ITPK1: variants seen among roughly 807,000 people sequenced by gnomAD.
ITPK1 encodes inositol 1,3,4-trisphosphate 5/6-kinase.
A neutral mutation model predicts 45.3 loss-of-function variants in ITPK1; 21 were observed. That is an observed-to-expected ratio of 0.46 (90% CI 0.33 to 0.67). The LOEUF (loss-of-function observed/expected upper bound fraction) is 0.67, where lower values mean the gene tolerates loss of function less well. ITPK1 is among the 30% of genes least tolerant of loss of function. ITPK1 has a pLI of 0.02. For missense variants in ITPK1, 474 were observed against 573.5 expected (o/e 0.83, Z 1.77); for synonymous variants, 258 against 253.6 (o/e 1.02, Z -0.16).
In ITPK1 at chr14:93,094,002, A is replaced by G. The variant is rs1438976225; in HGVS notation, c.96-17383T>C. ...GCTCCAGGTGGACTAAACTTCTCTC[A>G]GCTCCTGGGGCGCTCCAGCCAGGCC... is the stretch of plus-strand genomic sequence containing the variant. On this transcript the variant is annotated intron_variant, in intron 2 of 10. Coordinates refer to ENST00000267615, the MANE Select transcript of ITPK1 (RefSeq NM_014216.6). Among the ~76,000 whole-genome samples the G allele has an allele frequency of 2.0e-5, 3 of 152,364 alleles. No homozygotes were observed. The East Asian group carries it at 5.8e-4, about 29-fold the overall frequency.
intron 5 of ITPK1, among the ~76,000 whole-genome samples, chr14:92,971,387 C>T (rs1234028270): frequency 6.6e-6 from 1 of 152,252 alleles, no homozygotes; most frequent in East Asian, 1.9e-4. Context: ...TACTACCCCT[C>T]CCCCACTCAT....
At chr14:93,039,506 C>T (rs915288423) in intron 3 of ITPK1, among the ~76,000 whole-genome samples, 3 of 152,208 alleles carry the variant, frequency 2.0e-5, no homozygotes, top group African/African-American at 7.2e-5. Flanking sequence ...CAGAAACCTC[C>T]TCTTCCACCC....
intron 2 of ITPK1, among the ~76,000 whole-genome samples, chr14:93,098,347 C>A (rs1176615802): frequency 6.6e-6 from 1 of 151,968 alleles, no homozygotes; most frequent in Admixed American, 6.6e-5. Flanking sequence ...GTCCCAGCTA[C>A]TCGGAAGGTT....
At chr14:92,982,738 T>A (rs993109538) in intron 5 of ITPK1, among the ~76,000 whole-genome samples, 9 of 152,102 alleles carry the variant, frequency 5.9e-5, no homozygotes, top group African/African-American at 2.2e-4. Flanking sequence ...AATTAACACA[T>A]CCAGCTACTA....
chr14:93,111,204 A>G (rs1892740200), intron 2 of ITPK1, among the ~76,000 whole-genome samples: 1 of 152,008 alleles, frequency 6.6e-6, no homozygotes, highest in Admixed American at 6.6e-5. Context: ...TTCCGCCCCC[A>G]CCTCCTGCAA....
At chr14:92,985,731 T>C (rs1270922507) in intron 5 of ITPK1, among the ~76,000 whole-genome samples, 1 of 152,020 alleles carries the variant, frequency 6.6e-6, no homozygotes, top group Non-Finnish European at 1.5e-5. Flanking sequence ...CGCCAGGGGC[T>C]GCTGCCTTTA....
At position 92,962,707 on chromosome 14, in the gene ITPK1, G is replaced by A. The variant is rs371382615; in HGVS notation, c.463+44C>T. ...CAGCCCCTCCCCTATGCTGGCCTGC[G>A]GTCTACAGCGCCTGCCCTCAGGTGG... On this transcript the variant is annotated intron_variant, in intron 6 of 10. Coordinates refer to ENST00000267615, the MANE Select transcript of ITPK1 (RefSeq NM_014216.6). 1.6e-5 allele frequency: 23 copies of A among 1,419,052 alleles called. No homozygotes were observed. In the African/African-American group the frequency reaches 1.7e-4, roughly 10 times the overall value. The allele number at this position is 1,419,052 out of a possible 1,614,324, so 87.9% of individuals were successfully genotyped here. A position where few individuals can be genotyped will look rare whatever the true frequency, so the allele number is the denominator to read the frequency against.
intron 3 of ITPK1, among the ~76,000 whole-genome samples, chr14:93,026,700 TAAATA>T (rs1270553484): frequency 2.6e-5 from 4 of 152,238 alleles, no homozygotes; most frequent in African/African-American, 7.2e-5. Flanking sequence ...AATTAGTAAC[TAAATA>T]AAAGTCCAAC....
rs1303195812 is a variant in ITPK1, at chr14:92,940,441, A to G, written c.*1120T>C. The G allele has an allele frequency of 3.6e-6, 4 of 1,119,002 alleles. No homozygotes were observed. The highest frequency in any genetic ancestry group is 3.3e-6 in the Non-Finnish European group (3 of 906,554). 69.3% of individuals were successfully genotyped at this position (1,119,002 alleles called of 1,614,324 possible). On this transcript the variant is annotated 3_prime_UTR_variant, in exon 11 of 11. Transcript: ENST00000267615. ...ATGGGGTGAGTCTGAGGTGTGCAGAAGCGATGGGGGGCGGGTGGCTCCCTG... is the reference window on the plus strand; with the variant it reads ...ATGGGGTGAGTCTGAGGTGTGCAGAGGCGATGGGGGGCGGGTGGCTCCCTG...
chr14:93,050,734 A>AG (rs1314498759), intron 3 of ITPK1, among the ~76,000 whole-genome samples: 3 of 151,994 alleles, frequency 2.0e-5, no homozygotes, highest in Non-Finnish European at 4.4e-5. Flanking sequence ...TTAGAGACCC[A>AG]GGGAGCCAAG....
chr14:92,946,229 G>C (rs1461155835), intron 10 of ITPK1, 102 bp downstream of exon 10: 4 of 1,378,378 alleles, frequency 2.9e-6, no homozygotes, highest in Admixed American at 3.4e-5. Context: ...TGGTGAGGGA[G>C]AAAGCTGGCT....
chr14:92,946,500 A>G lies in ITPK1; in HGVS notation c.739-7T>C. ...CGCCCTCGATCTTGTCCAGCTGCCA[A>G]CATACACAAGGAAGTCAGGCCATGG... On this transcript the variant is annotated splice_region_variant and splice_polypyrimidine_tract_variant and intron_variant, in intron 9 of 10. Transcript: ENST00000267615. 1.2e-6 allele frequency: 2 copies of G among 1,612,028 alleles called. No individual in the cohort carries two copies. The highest frequency in any genetic ancestry group is 1.7e-6 in the Non-Finnish European group (2 of 1,179,784).
At chr14:93,020,946 G>T (rs1290742692) in intron 3 of ITPK1, among the ~76,000 whole-genome samples, 1 of 152,070 alleles carries the variant, frequency 6.6e-6, no homozygotes, top group Non-Finnish European at 1.5e-5. Context: ...ACTCATGAGA[G>T]GCACAGGGTG....
chr14:92,996,929 C>T (rs1177744075), intron 4 of ITPK1, among the ~76,000 whole-genome samples: 1 of 152,242 alleles, frequency 6.6e-6, no homozygotes, highest in Non-Finnish European at 1.5e-5. Context: ...ATGAAGAATA[C>T]TCCAGATGCC....
intron 3 of ITPK1, among the ~76,000 whole-genome samples, chr14:93,047,960 G>GT (rs1343613460): frequency 6.6e-6 from 1 of 152,250 alleles, no homozygotes; most frequent in Non-Finnish European, 1.5e-5. Flanking sequence ...GACAATACAT[G>GT]TGAGTTCTTA....
chr14:93,009,074 T>G (rs562279304), intron 4 of ITPK1, among the ~76,000 whole-genome samples: 5 of 152,044 alleles, frequency 3.3e-5, no homozygotes, highest in Non-Finnish European at 5.9e-5. Flanking sequence ...TTGGTTGTCA[T>G]GAGGGGCAGG....
rs536072378 is a variant in ITPK1 at position 92,940,587 on chromosome 14, T to A, written c.*974A>T. ...ACTGGGAAGAGGGCCCCGATCTCCA[T>A]GGTGTCATGCCGAGGCTCCCGCGCC... On this transcript the variant is annotated 3_prime_UTR_variant, in exon 11 of 11. Coordinates refer to ENST00000267615, the MANE Select transcript of ITPK1 (RefSeq NM_014216.6). The A allele has an allele frequency of 6.7e-6, 8 of 1,190,428 alleles. No individual in the cohort carries two copies. In the South Asian group the frequency reaches 1.2e-4, roughly 18 times the overall value. 73.7% of individuals were successfully genotyped at this position (1,190,428 alleles called of 1,614,324 possible).
chr14:92,988,863 A>G (rs1886635343), intron 5 of ITPK1, among the ~76,000 whole-genome samples: 1 of 152,198 alleles, frequency 6.6e-6, no homozygotes, highest in Non-Finnish European at 1.5e-5. Context: ...ACTGTCTGTA[A>G]AGTATTTAAC....
chr14:92,943,220 C>T lies in ITPK1; in HGVS notation c.902-1316G>A, dbSNP rs193138496. Among the ~76,000 whole-genome samples the T allele has an allele frequency of 7.4e-3, 1,134 of 152,324 alleles. 7 individuals are homozygous for T. Among genetic ancestry groups the T allele is most frequent in the Middle Eastern group, 0.031 (9 of 294 alleles). The stretch of plus-strand genomic sequence containing the variant: ...CAGTTTACAGATGAGGAGGCATGAC[C>T]GTTAACCACCACGGGGAGGGCAGTG... On this transcript the variant is annotated intron_variant, in intron 10 of 10. Coordinates refer to ENST00000267615, the MANE Select transcript of ITPK1 (RefSeq NM_014216.6).
Sources: gnomAD v4.1 joint callset for allele counts (sites outside exome capture counted in the v4.1 genomes callset) on GRCh38, gnomAD v4.1.1 for gene constraint, MANE v1.5 for transcripts, NCBI Gene and HGNC (gene_info 2026-07-23, HGNC 2026-07-21) for gene names.